The following CDCA7 variants were observed in gnomAD, a reference collection of about 807,000 sequenced individuals.
CDCA7 encodes the protein cell division cycle-associated protein 7.
A neutral mutation model predicts 54.0 loss-of-function variants in CDCA7; 28 were observed. The ratio of observed to expected loss-of-function variants is 0.52; its 90% CI spans 0.38 to 0.71. The LOEUF is 0.71. CDCA7 is among the 30% of genes least tolerant of loss of function. The pLI is 0.00. For missense variants in CDCA7, 484 were observed against 586.0 expected, an observed-to-expected ratio of 0.83 and a Z score of 1.80; for synonymous variants, 180 against 208.2, an observed-to-expected ratio of 0.86 and a Z score of 1.16.
chr2:173,367,278 C>G lies in CDCA7; in HGVS notation c.1314C>G (p.Tyr438Ter). ...KYHGFGNVHA[Y>*]LKSLKQEFEM... ...ATGGCTTTGGGAATGTGCATGCCTA[C>G]TTGAAAAGGTAGTGGGTGTTTTTTT... Residue 438 changes from tyrosine to a stop codon, truncating the protein, a stop_gained, in exon 9 of 10, where the codon TAC (tyrosine) becomes TAG (stop). Transcript: ENST00000306721. LOFTEE classifies it high-confidence loss of function. 1 of 1,614,046 alleles carries G rather than the reference C, an allele frequency of 6.2e-7. No homozygotes were observed. The highest frequency in any genetic ancestry group is 8.5e-7 in the Non-Finnish European group (1 of 1,179,990).
intron 5 of CDCA7, chr2:173,364,133 C>A: frequency 2.5e-6 from 1 of 393,228 alleles, no homozygotes; most frequent in Non-Finnish European, 4.5e-6. Context: ...TTCTTTCCTT[C>A]CCAGCTAGAC....
At chr2:173,358,594 A>G (rs1262800372) in intron 1 of CDCA7, 118 bp from the exon 2 acceptor site, 2 of 1,099,482 alleles carry the variant, frequency 1.8e-6, no homozygotes, top group Non-Finnish European at 2.5e-6. Flanking sequence ...TATGTAGGGT[A>G]TGATAAATGG....
rs988027133 is a variant in CDCA7, at chr2:173,354,889, T to A, written c.-75T>A. 236 of 1,296,304 alleles carry A rather than the reference T, an allele frequency of 1.8e-4. No homozygotes were observed. Among genetic ancestry groups the A allele is most frequent in the Middle Eastern group, 1.5e-3 (5 of 3,350 alleles). The allele number at this position is 1,296,304 out of a possible 1,614,324, so 80.3% of individuals were successfully genotyped here. On this transcript the variant is annotated 5_prime_UTR_variant, in exon 1 of 10. Transcript: ENST00000306721. ...CCAGCCGCGCTGCTGCTGCTCCTCC[T>A]GCTGTGGGACCGCTGACCGCGCGGC... is the stretch of plus-strand genomic sequence containing the variant.
chr2:173,367,521 C>T (rs1686746810), intron 9 of CDCA7, 113 bp from the exon 10 acceptor site: 2 of 1,381,116 alleles, frequency 1.4e-6, no homozygotes, highest in Non-Finnish European at 2.1e-6. Context: ...GCACACTTGA[C>T]CATAGTGATG....
chr2:173,360,459 A>T (rs1401395977), intron 3 of CDCA7, among the ~76,000 whole-genome samples: 1 of 152,174 alleles, frequency 6.6e-6, no homozygotes. Flanking sequence ...ATGGACACTA[A>T]AAGTACAAAA....
chr2:173,365,770 A>C (rs1178453388), intron 7 of CDCA7, among the ~76,000 whole-genome samples, 178 bp downstream of exon 7: 2 of 152,214 alleles, frequency 1.3e-5, no homozygotes, highest in African/African-American at 2.4e-5. Flanking sequence ...CCTCTTTCAC[A>C]GTGGAATTAT....
intron 1 of CDCA7, among the ~76,000 whole-genome samples, chr2:173,355,612 G>C (rs1266655763): frequency 6.6e-6 from 1 of 152,140 alleles, no homozygotes; most frequent in Non-Finnish European, 1.5e-5. Flanking sequence ...GGGCTTGGTG[G>C]GTCAAAGCGT....
intron 3 of CDCA7, among the ~76,000 whole-genome samples, chr2:173,361,547 G>A (rs1686621897): frequency 6.6e-6 from 1 of 150,536 alleles, no homozygotes; most frequent in South Asian, 2.1e-4. Flanking sequence ...CGCCTCCTGG[G>A]TTCAAGCGAT....
intron 9 of CDCA7, 51 bp from the exon 10 acceptor site, chr2:173,367,583 A>G: frequency 6.2e-7 from 1 of 1,604,594 alleles, no homozygotes; most frequent in South Asian, 1.1e-5. Flanking sequence ...TCAAAAGAGA[A>G]TTCTTTGGTT....
chr2:173,359,785 A>G (rs1425520160), intron 3 of CDCA7, among the ~76,000 whole-genome samples: 1 of 152,206 alleles, frequency 6.6e-6, no homozygotes, highest in East Asian at 1.9e-4. Flanking sequence ...GAAGCACACT[A>G]GTTCTAAATA....
At chr2:173,365,343 A>G in intron 6 of CDCA7, 109 bp from the exon 7 acceptor site, 7 of 1,212,994 alleles carry the variant, frequency 5.8e-6, no homozygotes, top group Admixed American at 2.5e-5. Context: ...AGCTGGGGAG[A>G]GCCAGTTTTG....
Position 173,358,799 on chromosome 2 carries a change from A to T in CDCA7, c.109A>T (p.Ser37Cys), listed in dbSNP as rs1686563449. ...SMETSSSSDDSCDSFASDNFA... is the reference protein window; with the variant it reads ...SMETSSSSDDCCDSFASDNFA... Reference sequence around the variant, plus strand: ...GGAAACCTCGTCATCCTCTGATGACAGTTGTGACAGCTTTGCTTCTGATAA... The same window carrying T: ...GGAAACCTCGTCATCCTCTGATGACTGTTGTGACAGCTTTGCTTCTGATAA... The change falls in exon 2 of 10, where the codon AGT becomes TGT. Residue 37 changes from serine to cysteine, a missense_variant. Transcript: ENST00000306721. The T allele has an allele frequency of 6.2e-7, 1 of 1,613,746 alleles. No homozygotes were observed. Among genetic ancestry groups the T allele is most frequent in the Non-Finnish European group, 8.5e-7 (1 of 1,179,916 alleles).
rs781254734 is a variant in CDCA7 at position 173,358,709 on chromosome 2, C to A, written c.22-3C>A. ...TTAATAGGATTGCTATTTCCATTTGCAGCAGAAAGATCTCAGAGTAAAGAA... is the reference window on the plus strand; with the variant it reads ...TTAATAGGATTGCTATTTCCATTTGAAGCAGAAAGATCTCAGAGTAAAGAA... On this transcript the variant is annotated splice_polypyrimidine_tract_variant and splice_region_variant and intron_variant, in intron 1 of 9. Coordinates refer to ENST00000306721, the MANE Select transcript of CDCA7 (RefSeq NM_031942.5). The A allele has an allele frequency of 6.2e-7, 1 of 1,611,324 alleles. No individual in the cohort carries two copies. The highest frequency in any genetic ancestry group is 8.5e-7 in the Non-Finnish European group (1 of 1,178,940).
intron 1 of CDCA7, among the ~76,000 whole-genome samples, chr2:173,357,166 T>A (rs1686522736): frequency 6.6e-6 from 1 of 152,208 alleles, no homozygotes; most frequent in Non-Finnish European, 1.5e-5. Context: ...TTAGGAAATC[T>A]CGTTAAATAT....
rs1296612137 is a variant in CDCA7 at position 173,363,230 on chromosome 2, T to C, written c.389T>C (p.Leu130Pro). ...SESEIQDGMR[L>P]QSVREGCRTR... ...TGACTCAATTGTTGTGATTAGAGGC[T>C]GCAGTCAGTTCGGGAAGGCTGTAGG... The change falls in exon 4 of 10, where the codon CTG (leucine) becomes CCG (proline). Residue 130 changes from leucine (L) to proline (P), a missense_variant. This residue lies in a region of CDCA7 where 398 missense variants were observed against 447.4 expected (regional missense o/e 0.89). Coordinates refer to ENST00000306721, the MANE Select transcript of CDCA7 (RefSeq NM_031942.5). The C allele has an allele frequency of 6.8e-6, 11 of 1,614,130 alleles. No homozygotes were observed. Among genetic ancestry groups the C allele is most frequent in the Non-Finnish European group, 6.8e-6 (8 of 1,179,990 alleles).
Position 173,354,897 on chromosome 2 carries a change from G to C in CDCA7, c.-67G>C. On this transcript the variant is annotated 5_prime_UTR_variant, in exon 1 of 10. Coordinates refer to ENST00000306721, the MANE Select transcript of CDCA7 (RefSeq NM_031942.5). ...GCTGCTGCTGCTCCTCCTGCTGTGGGACCGCTGACCGCGCGGCTGCTCCGC... is the reference window on the plus strand; with the variant it reads ...GCTGCTGCTGCTCCTCCTGCTGTGGCACCGCTGACCGCGCGGCTGCTCCGC... The C allele has an allele frequency of 6.8e-7, 1 of 1,472,970 alleles. No individual in the cohort carries two copies. The highest frequency in any genetic ancestry group is 3.0e-5 in the East Asian group (1 of 33,432). 91.2% of individuals were successfully genotyped at this position (1,472,970 alleles called of 1,614,324 possible).
intron 3 of CDCA7, among the ~76,000 whole-genome samples, chr2:173,360,606 G>A (rs561755701): frequency 2.2e-4 from 33 of 152,224 alleles, no homozygotes; most frequent in African/African-American, 7.0e-4. Flanking sequence ...CTACCCAGTA[G>A]CTGAGACTAC....
intron 3 of CDCA7, 86 bp from the exon 4 acceptor site, chr2:173,363,140 A>G (rs543642462): frequency 1.6e-6 from 2 of 1,246,586 alleles, no homozygotes; most frequent in African/African-American, 1.5e-5. Context: ...ATTTCATACA[A>G]GTGTCTCATT....
At chr2:173,365,945 A>T (rs1474510103) in intron 7 of CDCA7, among the ~76,000 whole-genome samples, 1 of 152,220 alleles carries the variant, frequency 6.6e-6, no homozygotes, top group Non-Finnish European at 1.5e-5. Context: ...TTATTTTTTA[A>T]TAAGACCTTT....
Sources: allele counts gnomAD v4.1 joint callset (sites outside exome capture counted in the v4.1 genomes callset), GRCh38; gene constraint gnomAD v4.1.1; regional missense constraint gnomAD v4.1.1; transcripts MANE v1.5; gene names NCBI Gene and HGNC (gene_info 2026-07-23, HGNC 2026-07-21).